Variants in XRCC4 observed in about 807,000 individuals in gnomAD.
XRCC4 encodes X-ray repair cross complementing 4.
XRCC4 carries 28 observed loss-of-function variants against 39.1 expected under a neutral mutation model. The ratio of observed to expected loss-of-function variants is 0.72; its 90% CI spans 0.53 to 0.98. The LOEUF is 0.98. Ranked by LOEUF, XRCC4 falls within the 50% of genes least tolerant of loss-of-function variation. The pLI, the probability that XRCC4 is intolerant of heterozygous loss-of-function variation, is 0.00. For missense variants in XRCC4, 350 were observed against 376.4 expected, an observed-to-expected ratio of 0.93 and a Z score of 0.58; for synonymous variants, 123 against 126.4, an observed-to-expected ratio of 0.97 and a Z score of 0.18.
At chr5:83,329,038 T>G (rs1756354846) in intron 7 of XRCC4, among the ~76,000 whole-genome samples, 1 of 152,110 alleles carries the variant, frequency 6.6e-6, no homozygotes, top group Admixed American at 6.6e-5. Context: ...GCCTCCTTAT[T>G]AGCTGGGACT....
intron 3 of XRCC4, among the ~76,000 whole-genome samples, chr5:83,134,628 C>A (rs537411104): frequency 3.9e-5 from 6 of 152,176 alleles, no homozygotes; most frequent in Non-Finnish European, 8.8e-5. Context: ...TCAGCAGGAT[C>A]AGGGTGGGGC....
At chr5:83,099,746 A>T (rs1388522804) in intron 1 of XRCC4, among the ~76,000 whole-genome samples, 1 of 152,136 alleles carries the variant, frequency 6.6e-6, no homozygotes, top group Non-Finnish European at 1.5e-5. Context: ...GCTGATACTA[A>T]TGTGACCTTT....
At chr5:83,123,550 T>TA (rs28745318) in intron 3 of XRCC4, among the ~76,000 whole-genome samples, 1 of 151,636 alleles carries the variant, frequency 6.6e-6, no homozygotes, top group Non-Finnish European at 1.5e-5. Flanking sequence ...GACAATTACA[T>TA]AAAAAAATGG....
At chr5:83,216,233 A>G (rs1003633454) in intron 6 of XRCC4, among the ~76,000 whole-genome samples, 1 of 152,188 alleles carries the variant, frequency 6.6e-6, no homozygotes, top group Non-Finnish European at 1.5e-5. Flanking sequence ...TCATTTAATC[A>G]TTAGATAATA....
chr5:83,078,029 C>G (rs1374141539), intron 1 of XRCC4, among the ~76,000 whole-genome samples: 1 of 152,152 alleles, frequency 6.6e-6, no homozygotes, highest in Non-Finnish European at 1.5e-5. Context: ...TGGGTTCCAA[C>G]CAGGCATCGA....
intron 1 of XRCC4, among the ~76,000 whole-genome samples, chr5:83,090,224 C>T (rs781026955): frequency 2.6e-5 from 4 of 152,058 alleles, no homozygotes; most frequent in East Asian, 1.9e-4. Flanking sequence ...TGAATTCCCA[C>T]GTGTTGTGGG....
intron 1 of XRCC4, among the ~76,000 whole-genome samples, chr5:83,086,393 T>A (rs1561314914): frequency 6.6e-6 from 1 of 152,242 alleles, no homozygotes; most frequent in Non-Finnish European, 1.5e-5. Flanking sequence ...GTTTTGTGTG[T>A]TATATGCATT....
chr5:83,098,679 A>G (rs1450931624), intron 1 of XRCC4, among the ~76,000 whole-genome samples: 1 of 152,126 alleles, frequency 6.6e-6, no homozygotes, highest in African/African-American at 2.4e-5. Context: ...TTCAAAAAAA[A>G]AAATCTTAAT....
At chr5:83,248,670 A>G (rs1229317489) in intron 6 of XRCC4, among the ~76,000 whole-genome samples, 1 of 152,208 alleles carries the variant, frequency 6.6e-6, no homozygotes, top group Non-Finnish European at 1.5e-5. Context: ...AACAGTCTTC[A>G]TAAATACAAG....
chr5:83,142,624 T>A (rs1048920199), intron 3 of XRCC4, among the ~76,000 whole-genome samples: 2 of 152,148 alleles, frequency 1.3e-5, no homozygotes, highest in African/African-American at 4.8e-5. Context: ...CACATGGAAT[T>A]AAGTTTGGTT....
At chr5:83,247,484 C>G (rs1753151601) in intron 6 of XRCC4, among the ~76,000 whole-genome samples, 2 of 151,460 alleles carry the variant, frequency 1.3e-5, no homozygotes, top group Non-Finnish European at 1.5e-5. Context: ...TTCCTGGTGC[C>G]AAAAAGGTTG....
intron 7 of XRCC4, among the ~76,000 whole-genome samples, chr5:83,278,057 A>G (rs895364613): frequency 6.6e-6 from 1 of 152,210 alleles, no homozygotes; most frequent in Non-Finnish European, 1.5e-5. Flanking sequence ...ACGCTCTTTT[A>G]TTAGCTCATC....
At chr5:83,222,177 T>C (rs746802994) in intron 6 of XRCC4, among the ~76,000 whole-genome samples, 22 of 152,004 alleles carry the variant, frequency 1.4e-4, no homozygotes, top group Non-Finnish European at 2.8e-4. Flanking sequence ...GTTAATTATA[T>C]AATTTATATA....
At chr5:83,236,964 G>A (rs147477883) in intron 6 of XRCC4, among the ~76,000 whole-genome samples, 43 of 152,122 alleles carry the variant, frequency 2.8e-4, no homozygotes, top group Non-Finnish European at 5.3e-4. Flanking sequence ...ATGGAATGAT[G>A]CTTATCATCA....
At chr5:83,092,710 A>G (rs1292709443) in intron 1 of XRCC4, among the ~76,000 whole-genome samples, 1 of 152,112 alleles carries the variant, frequency 6.6e-6, no homozygotes, top group Non-Finnish European at 1.5e-5. Context: ...GTTAAAATAG[A>G]CAGAAGTGTA....
At chr5:83,214,943 A>G (rs1751800103) in intron 6 of XRCC4, among the ~76,000 whole-genome samples, 1 of 152,046 alleles carries the variant, frequency 6.6e-6, no homozygotes, top group Admixed American at 6.6e-5. Context: ...TAACAAAAGA[A>G]ATTCAAGACT....
At chr5:83,334,771 A>C (rs1756545406) in intron 7 of XRCC4, among the ~76,000 whole-genome samples, 1 of 151,920 alleles carries the variant, frequency 6.6e-6, no homozygotes, top group Non-Finnish European at 1.5e-5. Flanking sequence ...TGACTTTTCT[A>C]AAGTTTTTGC....
chr5:83,309,063 A>G, intron 7 of XRCC4, among the ~76,000 whole-genome samples: 1 of 151,000 alleles, frequency 6.6e-6, no homozygotes, highest in Non-Finnish European at 1.5e-5. Context: ...GTGGATCATG[A>G]GGTCAGGAGA....
chr5:83,152,934 G>A (rs1356704323), intron 3 of XRCC4, among the ~76,000 whole-genome samples: 2 of 152,130 alleles, frequency 1.3e-5, no homozygotes, highest in Non-Finnish European at 2.9e-5. Context: ...GTTTGTGTAT[G>A]TATTAAATTC....
Sources: gnomAD v4.1 joint callset for allele counts (sites outside exome capture counted in the v4.1 genomes callset) on GRCh38, gnomAD v4.1.1 for gene constraint, MANE v1.5 for transcripts, NCBI Gene and HGNC (gene_info 2026-07-23, HGNC 2026-07-21) for gene names.